The following FRMD3 variants were observed in gnomAD, a reference collection of about 807,000 sequenced individuals.
The protein encoded by FRMD3 is FERM domain containing 3, also known as FERM domain-containing protein 3.
Under a neutral mutation model 70.2 loss-of-function variants are expected in FRMD3, and 33 were observed. The ratio of observed to expected loss-of-function variants is 0.47; its 90% CI spans 0.36 to 0.63. The LOEUF is 0.63. Ranked by LOEUF, FRMD3 falls within the 20% of genes least tolerant of loss-of-function variation. The pLI is 0.00. For synonymous variants in FRMD3, 279 were observed against 255.9 expected, an observed-to-expected ratio of 1.09 and a Z score of -0.86; for missense variants, 632 against 711.4, an observed-to-expected ratio of 0.89 and a Z score of 1.27.
intron 1 of FRMD3, among the ~76,000 whole-genome samples, chr9:83,419,563 G>C (rs942234474): frequency 6.6e-6 from 1 of 151,414 alleles, no homozygotes. Context: ...GTGTGTTCAC[G>C]TGTGTTGAAT....
the FRMD3 span, among the ~76,000 whole-genome samples, chr9:83,570,788 G>A: frequency 2.6e-3 from 397 of 152,308 alleles, 2 homozygotes; most frequent in African/African-American, 9.0e-3. Flanking sequence ...AGAGGCAAGG[G>A]CAGAAGCAGG....
chr9:83,351,161 C>T (rs182073475), intron 3 of FRMD3, among the ~76,000 whole-genome samples: 44 of 152,110 alleles, frequency 2.9e-4, no homozygotes, highest in Admixed American at 1.3e-3. Flanking sequence ...CAGATGTAGA[C>T]GAATCCTTTA....
intron 6 of FRMD3, among the ~76,000 whole-genome samples, chr9:83,323,832 A>G (rs1233930549): frequency 6.6e-6 from 1 of 152,202 alleles, no homozygotes; most frequent in East Asian, 1.9e-4. Context: ...GTCACTGGAA[A>G]CCCTGGGAAC....
chr9:83,274,704 C>T (rs1183484642), intron 13 of FRMD3, among the ~76,000 whole-genome samples: 5 of 152,128 alleles, frequency 3.3e-5, no homozygotes, highest in African/African-American at 1.2e-4. Flanking sequence ...GTGTGAGGAA[C>T]CATTGGCCCC....
chr9:83,452,207 C>A (rs142815433), intron 1 of FRMD3, among the ~76,000 whole-genome samples: 336 of 152,248 alleles, frequency 2.2e-3, no homozygotes, highest in African/African-American at 7.8e-3. Flanking sequence ...CTATTGATAT[C>A]CTCCTGTGTG....
At chr9:83,338,880 C>T (rs1281173482) in intron 5 of FRMD3, among the ~76,000 whole-genome samples, 2 of 152,138 alleles carry the variant, frequency 1.3e-5, no homozygotes, top group Non-Finnish European at 2.9e-5. Context: ...AAGAAATACA[C>T]GTAACATGTC....
chr9:83,325,860 A>G (rs575648079), intron 6 of FRMD3, among the ~76,000 whole-genome samples: 6 of 152,332 alleles, frequency 3.9e-5, no homozygotes, highest in African/African-American at 1.4e-4. Context: ...ATAAATCAAA[A>G]GAATAATACT....
intron 1 of FRMD3, among the ~76,000 whole-genome samples, chr9:83,402,249 C>A (rs1825969694): frequency 2.0e-5 from 3 of 148,496 alleles, no homozygotes; most frequent in South Asian, 4.4e-4. Context: ...GCCCCAGGAG[C>A]CTAACAAGGA....
chr9:83,438,417 T>G (rs375861905), intron 1 of FRMD3, among the ~76,000 whole-genome samples: 2 of 148,558 alleles, frequency 1.3e-5, no homozygotes, highest in Admixed American at 1.3e-4. Context: ...GTTTTTTTTT[T>G]GTTTTGTTTT....
the FRMD3 span, among the ~76,000 whole-genome samples, chr9:83,562,923 A>G: frequency 6.7e-6 from 1 of 149,768 alleles, no homozygotes; most frequent in African/African-American, 2.4e-5. Flanking sequence ...TCACCAATAA[A>G]TGGTGTTCAA....
At chr9:83,306,126 G>A (rs965995923) in intron 10 of FRMD3, among the ~76,000 whole-genome samples, 3 of 152,060 alleles carry the variant, frequency 2.0e-5, no homozygotes, top group South Asian at 2.1e-4. Context: ...AACAACGTGC[G>A]TGAAATAGCA....
chr9:83,461,298 T>C (rs1827963936), intron 1 of FRMD3, among the ~76,000 whole-genome samples: 1 of 152,104 alleles, frequency 6.6e-6, no homozygotes, highest in African/African-American at 2.4e-5. Flanking sequence ...GCAAGTAACC[T>C]CTAGAAGCTG....
chr9:83,340,917 C>T (rs1208975474), intron 5 of FRMD3, among the ~76,000 whole-genome samples: 1 of 152,170 alleles, frequency 6.6e-6, no homozygotes, highest in East Asian at 1.9e-4. Context: ...TTTTTATAAA[C>T]TCAGAATATA....
chr9:83,579,577 C>T, the FRMD3 span, among the ~76,000 whole-genome samples: 3 of 152,124 alleles, frequency 2.0e-5, no homozygotes, highest in South Asian at 6.2e-4. Context: ...ACTAGATATC[C>T]ACATGCAAAA....
At chr9:83,344,637 T>C (rs1370305081) in intron 4 of FRMD3, among the ~76,000 whole-genome samples, 1 of 151,188 alleles carries the variant, frequency 6.6e-6, no homozygotes, top group East Asian at 1.9e-4. Context: ...CCTTCAGACT[T>C]GGATTGGAAT....
intron 13 of FRMD3, among the ~76,000 whole-genome samples, chr9:83,273,503 C>G (rs1474553594): frequency 6.6e-6 from 1 of 151,654 alleles, no homozygotes; most frequent in Non-Finnish European, 1.5e-5. Context: ...CGGAAGGCCG[C>G]AGGGTCCTCT....
In FRMD3 at chr9:83,371,536, C is replaced by T. The variant is rs139999648; in HGVS notation, c.295+1377G>A. On this transcript the variant is annotated intron_variant, in intron 3 of 13. Coordinates refer to ENST00000304195, the MANE Select transcript of FRMD3 (RefSeq NM_174938.6). ...TTTACCATGTTGGCCAGGATGGTCT[C>T]AATCTCTTGACCTCCTGATCCGCCT... Among the ~76,000 whole-genome samples, 1,090 of 152,292 alleles carry T rather than the reference C, an allele frequency of 7.2e-3. 15 individuals are homozygous for T. Among genetic ancestry groups the T allele is most frequent in the African/African-American group, 0.024 (988 of 41,556 alleles).
the FRMD3 span, among the ~76,000 whole-genome samples, chr9:83,573,056 G>A: frequency 2.0e-5 from 3 of 151,408 alleles, no homozygotes; most frequent in Non-Finnish European, 1.5e-5. Flanking sequence ...GTGGACAATG[G>A]TAAGTACAGG....
At chr9:83,346,733 T>C (rs1823977025) in intron 4 of FRMD3, among the ~76,000 whole-genome samples, 1 of 152,222 alleles carries the variant, frequency 6.6e-6, no homozygotes, top group African/African-American at 2.4e-5. Flanking sequence ...AAATTTGGCA[T>C]GCTTCAGAAT....
Sources: allele counts gnomAD v4.1 joint callset (sites outside exome capture counted in the v4.1 genomes callset), GRCh38; gene constraint gnomAD v4.1.1; transcripts MANE v1.5; gene names NCBI Gene and HGNC (gene_info 2026-07-23, HGNC 2026-07-21).